ROBO1: variants seen among roughly 807,000 people sequenced by gnomAD.
The protein encoded by ROBO1 is roundabout homolog 1.
Under a neutral mutation model 195.9 loss-of-function variants are expected in ROBO1, and 149 were observed. The ratio of observed to expected loss-of-function variants is 0.76; its 90% CI spans 0.67 to 0.87. The LOEUF is 0.87. Ranked by LOEUF, ROBO1 falls within the 40% of genes least tolerant of loss-of-function variation. ROBO1 has a pLI of 0.00. For missense variants in ROBO1, 1,933 were observed against 2,068.3 expected, an observed-to-expected ratio of 0.93 and a Z score of 1.27; for synonymous variants, 816 against 733.2, an observed-to-expected ratio of 1.11 and a Z score of -1.82.
At chr3:79,065,011 A>G (rs2078981586) in intron 3 of ROBO1, among the ~76,000 whole-genome samples, 1 of 151,996 alleles carries the variant, frequency 6.6e-6, no homozygotes, top group Non-Finnish European at 1.5e-5. Context: ...TTAAGAAACG[A>G]AAAGCTTTCT....
intron 1 of ROBO1, among the ~76,000 whole-genome samples, chr3:79,742,744 A>T (rs1388653078): frequency 6.6e-6 from 1 of 152,176 alleles, no homozygotes; most frequent in Non-Finnish European, 1.5e-5. Context: ...TTCAGCAGCC[A>T]TTTCTGATTT....
intron 2 of ROBO1, among the ~76,000 whole-genome samples, chr3:79,574,905 T>C (rs1395944831): frequency 6.6e-6 from 1 of 151,280 alleles, no homozygotes; most frequent in Non-Finnish European, 1.5e-5. Flanking sequence ...ATTATGCTTT[T>C]TTAAAACAGA....
chr3:78,738,046 A>T (rs1484725307), intron 5 of ROBO1, among the ~76,000 whole-genome samples: 3 of 152,134 alleles, frequency 2.0e-5, no homozygotes, highest in Admixed American at 1.3e-4. Context: ...AGCAAAAGAC[A>T]TTGAACAATG....
At chr3:79,630,244 CA>C (rs1414062063) in intron 1 of ROBO1, among the ~76,000 whole-genome samples, 2 of 151,810 alleles carry the variant, frequency 1.3e-5, no homozygotes, top group Non-Finnish European at 2.9e-5. Flanking sequence ...CATGCTGTAC[CA>C]AATGCTAGGA....
At chr3:78,834,228 TA>T (rs1303875730) in intron 4 of ROBO1, among the ~76,000 whole-genome samples, 1 of 151,788 alleles carries the variant, frequency 6.6e-6, no homozygotes, top group Admixed American at 6.6e-5. Context: ...TAGGATATAC[TA>T]AACTTTCAAA....
chr3:78,995,222 C>T (rs954057061), intron 3 of ROBO1, among the ~76,000 whole-genome samples: 3 of 152,192 alleles, frequency 2.0e-5, no homozygotes, highest in South Asian at 2.1e-4. Flanking sequence ...GCACATTCAT[C>T]GCCAGGAGCC....
At chr3:78,939,543 G>C (rs909380353) in intron 3 of ROBO1, among the ~76,000 whole-genome samples, 1 of 151,134 alleles carries the variant, frequency 6.6e-6, no homozygotes, top group African/African-American at 2.4e-5. Context: ...GCGTGAACCC[G>C]GGAGGCGGAG....
At chr3:78,717,719 G>C (rs1036159030) in intron 6 of ROBO1, 44 bp downstream of exon 6, 2 of 1,594,112 alleles carry the variant, frequency 1.3e-6, no homozygotes, top group African/African-American at 1.4e-5. Context: ...AAAATGATAA[G>C]AGATCTATTT....
chr3:79,537,740 G>A (rs1941925692), intron 2 of ROBO1, among the ~76,000 whole-genome samples: 3 of 151,936 alleles, frequency 2.0e-5, no homozygotes, highest in Admixed American at 2.0e-4. Context: ...TGTTGGGGGA[G>A]TGGGGAGAGG....
intron 4 of ROBO1, among the ~76,000 whole-genome samples, chr3:78,806,615 T>C (rs2084549196): frequency 6.6e-6 from 1 of 152,184 alleles, no homozygotes; most frequent in Admixed American, 6.5e-5. Flanking sequence ...GTTTGAACTC[T>C]ATATTTTAGG....
At chr3:79,593,601 A>ATT (rs57655866) in intron 1 of ROBO1, among the ~76,000 whole-genome samples, 13 of 149,682 alleles carry the variant, frequency 8.7e-5, no homozygotes, top group Non-Finnish European at 1.2e-4. Flanking sequence ...GAGTTTAAGA[A>ATT]TTTTTTTTTT....
At chr3:78,902,241 T>A (rs1290652141) in intron 4 of ROBO1, among the ~76,000 whole-genome samples, 1 of 152,292 alleles carries the variant, frequency 6.6e-6, no homozygotes, top group African/African-American at 2.4e-5. Flanking sequence ...TTTTAGTATG[T>A]GGTAAAGCAG....
intron 2 of ROBO1, among the ~76,000 whole-genome samples, chr3:79,241,506 C>T (rs1349628380): frequency 2.6e-5 from 4 of 151,820 alleles, no homozygotes; most frequent in African/African-American, 7.3e-5. Flanking sequence ...CTCAAAGGGA[C>T]GTGGTGAAAT....
chr3:79,356,258 C>A (rs538144184), intron 2 of ROBO1, among the ~76,000 whole-genome samples: 33 of 152,242 alleles, frequency 2.2e-4, no homozygotes, highest in African/African-American at 7.9e-4. Context: ...CAAGAATCAT[C>A]CAAACCTGGG....
rs575634768 is a variant in ROBO1, at chr3:79,412,422, A to G, written c.88+177402T>C. On this transcript the variant is annotated intron_variant, in intron 2 of 30. Coordinates refer to ENST00000464233, the MANE Select transcript of ROBO1 (RefSeq NM_002941.4). ...CTGTGATTTCAGCATTTTCCCATCTATCCATTCTGTAGCACAGATTATAGT... is the reference window on the plus strand; with the variant it reads ...CTGTGATTTCAGCATTTTCCCATCTGTCCATTCTGTAGCACAGATTATAGT... Among the ~76,000 whole-genome samples the G allele has an allele frequency of 8.5e-5, 13 of 152,238 alleles. 1 individual carries two copies. The highest frequency in any genetic ancestry group is 2.9e-5 in the Non-Finnish European group (2 of 68,026).
intron 3 of ROBO1, among the ~76,000 whole-genome samples, chr3:79,108,823 G>C (rs746327466): frequency 6.6e-6 from 1 of 151,734 alleles, no homozygotes; most frequent in Non-Finnish European, 1.5e-5. Flanking sequence ...TTTGTGAAAG[G>C]ATTTTGTGCA....
chr3:78,873,879 C>T (rs72896474), intron 4 of ROBO1, among the ~76,000 whole-genome samples: 5,864 of 152,004 alleles, frequency 0.039, 332 homozygotes, highest in African/African-American at 0.12. Context: ...AATATAGTTA[C>T]TTTCATTTCA....
intron 3 of ROBO1, among the ~76,000 whole-genome samples, chr3:78,941,841 C>T (rs1422449143): frequency 6.6e-6 from 1 of 152,144 alleles, no homozygotes; most frequent in African/African-American, 2.4e-5. Context: ...CAATGAGCCA[C>T]AGTTTTGGAA....
intron 2 of ROBO1, among the ~76,000 whole-genome samples, chr3:79,166,016 AC>A (rs1268320152): frequency 6.6e-6 from 1 of 152,110 alleles, no homozygotes; most frequent in East Asian, 1.9e-4. Flanking sequence ...GTTCCACTCT[AC>A]CCTTCCTGAT....
Sources: allele counts gnomAD v4.1 joint callset (sites outside exome capture counted in the v4.1 genomes callset), GRCh38; gene constraint gnomAD v4.1.1; transcripts MANE v1.5; gene names NCBI Gene and HGNC (gene_info 2026-07-23, HGNC 2026-07-21).